AHCYL2: variants seen among roughly 807,000 people sequenced by gnomAD.
AHCYL2 encodes the protein S-adenosylhomocysteine hydrolase-like protein 2.
A neutral mutation model predicts 81.4 loss-of-function variants in AHCYL2; 28 were observed. That is an observed-to-expected ratio of 0.34 (90% CI 0.25 to 0.47). AHCYL2 has a LOEUF of 0.47. Among genes scored for constraint, AHCYL2 ranks in the 20% least tolerant of loss-of-function variants. The pLI is 1.00. For synonymous variants in AHCYL2, 272 were observed against 290.2 expected (o/e 0.94, Z 0.64); for missense variants, 551 against 785.1 (o/e 0.70, Z 3.56).
chr7:129,296,003 T>A (rs1257267285), intron 1 of AHCYL2, among the ~76,000 whole-genome samples: 1 of 152,208 alleles, frequency 6.6e-6, no homozygotes, highest in Non-Finnish European at 1.5e-5. Flanking sequence ...TGGATAAATA[T>A]ATAGCTGGTT....
rs988663529 is a variant in AHCYL2 at position 129,225,301 on chromosome 7, C to T, written c.225C>T (p.Pro75=). Residue 75 remains proline (P), a synonymous_variant, in exon 1 of 17, where the codon CCC becomes CCT. Coordinates refer to ENST00000325006, the MANE Select transcript of AHCYL2 (RefSeq NM_015328.4). ...PGSGPAAALS[P]AAGKVPQASA... The stretch of plus-strand genomic sequence containing the variant: ...CGGGGCCCGCCGCCGCTCTCAGCCC[C>T]GCCGCCGGGAAGGTGCCTCAGGCGT... 4.1e-6 allele frequency: 6 copies of T among 1,476,664 alleles called. No homozygotes were observed. Among genetic ancestry groups the T allele is most frequent in the African/African-American group, 1.5e-5 (1 of 68,174 alleles). The allele number at this position is 1,476,664 out of a possible 1,614,324, so 91.5% of individuals were successfully genotyped here. A position where few individuals can be genotyped will look rare whatever the true frequency, so the allele number is the denominator to read the frequency against.
intron 1 of AHCYL2, among the ~76,000 whole-genome samples, chr7:129,233,968 G>T (rs985970862): frequency 1.3e-4 from 20 of 151,928 alleles, no homozygotes; most frequent in African/African-American, 4.8e-4. Context: ...CCCTTCACAG[G>T]TGCTGTAATC....
chr7:129,289,793 T>TA (rs1198605623), intron 1 of AHCYL2, among the ~76,000 whole-genome samples: 2 of 151,916 alleles, frequency 1.3e-5, no homozygotes, highest in African/African-American at 4.8e-5. Context: ...TTCTTTCTTT[T>TA]TTTTTTTGAG....
chr7:129,259,503 CTG>C (rs1164170566), intron 1 of AHCYL2, among the ~76,000 whole-genome samples: 1 of 152,034 alleles, frequency 6.6e-6, no homozygotes, highest in Non-Finnish European at 1.5e-5. Context: ...AAAAGTGAAA[CTG>C]AAGTAATTAC....
At chr7:129,417,431 G>T (rs1392573343) in intron 12 of AHCYL2, among the ~76,000 whole-genome samples, 1 of 152,182 alleles carries the variant, frequency 6.6e-6, no homozygotes, top group Non-Finnish European at 1.5e-5. Context: ...GCTGTTGAGG[G>T]TTTATAATCT....
intron 1 of AHCYL2, among the ~76,000 whole-genome samples, chr7:129,325,046 A>ATT (rs201434912): frequency 6.6e-6 from 1 of 152,006 alleles, no homozygotes; most frequent in Non-Finnish European, 1.5e-5. Context: ...CTTTTTATTT[A>ATT]TTTTTTTATA....
chr7:129,298,462 C>A (rs182843492), intron 1 of AHCYL2, among the ~76,000 whole-genome samples: 100 of 152,338 alleles, frequency 6.6e-4, no homozygotes, highest in Admixed American at 2.3e-3. Flanking sequence ...CTGCTGGCCG[C>A]AATTCACTTG....
At chr7:129,294,715 G>A (rs752602818) in intron 1 of AHCYL2, among the ~76,000 whole-genome samples, 19 of 152,296 alleles carry the variant, frequency 1.2e-4, no homozygotes, top group South Asian at 8.3e-4. Flanking sequence ...GATGGGGCAG[G>A]TATTGAGATT....
chr7:129,386,353 C>G (rs1795202609), intron 2 of AHCYL2, among the ~76,000 whole-genome samples: 1 of 151,876 alleles, frequency 6.6e-6, no homozygotes, highest in Non-Finnish European at 1.5e-5. Flanking sequence ...ATCCCAGCTA[C>G]TAAGGAGGCT....
chr7:129,413,737 G>A (rs2150953766), intron 12 of AHCYL2, 49 bp downstream of exon 12: 6 of 1,487,334 alleles, frequency 4.0e-6, no homozygotes, highest in Non-Finnish European at 5.6e-6. Flanking sequence ...TCCTTCACAA[G>A]AAGCAAACTG....
chr7:129,311,319 A>G (rs1797649800), intron 1 of AHCYL2, among the ~76,000 whole-genome samples: 1 of 152,220 alleles, frequency 6.6e-6, no homozygotes, highest in Admixed American at 6.5e-5. Flanking sequence ...AGACCTATTA[A>G]TATGGGATGC....
intron 1 of AHCYL2, among the ~76,000 whole-genome samples, chr7:129,371,027 A>G (rs1198927280): frequency 6.6e-6 from 1 of 152,204 alleles, no homozygotes; most frequent in Non-Finnish European, 1.5e-5. Flanking sequence ...CTAACCTCTG[A>G]GCACCCTCTA....
At chr7:129,373,574 T>C (rs905431186) in intron 1 of AHCYL2, among the ~76,000 whole-genome samples, 2 of 151,520 alleles carry the variant, frequency 1.3e-5, no homozygotes, top group African/African-American at 2.4e-5. Flanking sequence ...CACTCCAGCC[T>C]GGGTGACAGA....
intron 1 of AHCYL2, among the ~76,000 whole-genome samples, chr7:129,276,747 A>AAAAG (rs1796222695): frequency 1.3e-5 from 2 of 151,374 alleles, no homozygotes; most frequent in Admixed American, 1.3e-4. Flanking sequence ...AAAAAAAAAA[A>AAAAG]AAAAGAAAAA....
At chr7:129,305,087 C>T (rs1797389793) in intron 1 of AHCYL2, among the ~76,000 whole-genome samples, 1 of 151,996 alleles carries the variant, frequency 6.6e-6, no homozygotes, top group Non-Finnish European at 1.5e-5. Context: ...ATGAAGTTTG[C>T]AAATAATATC....
chr7:129,348,880 G>A (rs1274656875), intron 1 of AHCYL2, among the ~76,000 whole-genome samples: 2 of 152,234 alleles, frequency 1.3e-5, no homozygotes, highest in South Asian at 2.1e-4. Context: ...AGAGAAGAGG[G>A]TCTGTGACTT....
intron 1 of AHCYL2, among the ~76,000 whole-genome samples, chr7:129,352,937 CTTTTTTTTTTT>C (rs59762582): frequency 1.2e-5 from 1 of 82,556 alleles, no homozygotes; most frequent in Non-Finnish European, 2.2e-5. Context: ...CCTCCTCATT[CTTTTTTTTTTT>C]TTTTTTTTTT....
chr7:129,328,501 G>A lies in AHCYL2; in HGVS notation c.364-51137G>A, dbSNP rs192993645. ...TTTGTTGTTGTTTTTTGTTTTTTTTGTGAGACAGGGTCTCACTCTGTTGCC... is the reference window on the plus strand; with the variant it reads ...TTTGTTGTTGTTTTTTGTTTTTTTTATGAGACAGGGTCTCACTCTGTTGCC... On this transcript the variant is annotated intron_variant, in intron 1 of 16. Transcript: ENST00000325006. 8.8e-4 allele frequency among the ~76,000 whole-genome samples: 129 copies of A among 146,032 alleles called. 1 individual carries two copies. Among genetic ancestry groups the A allele is most frequent in the South Asian group, 5.3e-3 (24 of 4,560 alleles).
At chr7:129,243,990 T>C (rs1210744981) in intron 1 of AHCYL2, among the ~76,000 whole-genome samples, 3 of 151,820 alleles carry the variant, frequency 2.0e-5, no homozygotes, top group Non-Finnish European at 4.4e-5. Context: ...ATTATTTTTT[T>C]CTTTTTTTGT....
Sources: allele counts gnomAD v4.1 joint callset (sites outside exome capture counted in the v4.1 genomes callset), GRCh38; gene constraint gnomAD v4.1.1; transcripts MANE v1.5; gene names NCBI Gene and HGNC (gene_info 2026-07-23, HGNC 2026-07-21).